Variants in IFT80 observed in about 807,000 individuals in gnomAD.
IFT80 encodes the protein intraflagellar transport protein 80 homolog.
IFT80 carries 79 observed loss-of-function variants against 107.9 expected under a neutral mutation model. That is an observed-to-expected ratio of 0.73 (90% CI 0.61 to 0.88). The LOEUF (loss-of-function observed/expected upper bound fraction) is 0.88. Among genes scored for constraint, IFT80 ranks in the 40% least tolerant of loss-of-function variants. The pLI is 0.00. For synonymous variants in IFT80, 299 were observed against 300.9 expected, an observed-to-expected ratio of 0.99 and a Z score of 0.07; for missense variants, 797 against 914.2, an observed-to-expected ratio of 0.87 and a Z score of 1.65.
chr3:160,272,207 T>C (rs925135661), intron 18 of IFT80, among the ~76,000 whole-genome samples: 1 of 152,162 alleles, frequency 6.6e-6, no homozygotes, highest in Admixed American at 6.5e-5. Flanking sequence ...TGGATCTTTA[T>C]TGGATTCTGA....
At chr3:160,353,351 CA>C (rs1191217374) in intron 8 of IFT80, among the ~76,000 whole-genome samples, 2 of 152,164 alleles carry the variant, frequency 1.3e-5, no homozygotes, top group African/African-American at 4.8e-5. Flanking sequence ...TGAGAGAGAT[CA>C]GGGGCTCAAC....
intron 1 of IFT80, among the ~76,000 whole-genome samples, chr3:160,386,787 A>C (rs1379797344): frequency 6.6e-6 from 1 of 152,214 alleles, no homozygotes; most frequent in Non-Finnish European, 1.5e-5. Context: ...ATTCTTTTAA[A>C]GCTAAGTCAG....
At chr3:160,274,852 A>G (rs1422565639) in intron 18 of IFT80, among the ~76,000 whole-genome samples, 2 of 152,218 alleles carry the variant, frequency 1.3e-5, no homozygotes, top group Non-Finnish European at 2.9e-5. Flanking sequence ...CCCAGGAGGC[A>G]GAAGTTGCAG....
At chr3:160,280,843 A>AATGTG (rs1714633886) in intron 14 of IFT80, 29 bp from the exon 15 acceptor site, 1 of 1,587,078 alleles carries the variant, frequency 6.3e-7, no homozygotes, top group Non-Finnish European at 8.6e-7. Context: ...TTAATGTGCT[A>AATGTG]TTAGCTTTAA....
intron 1 of IFT80, among the ~76,000 whole-genome samples, chr3:160,389,735 G>A (rs895818401): frequency 1.3e-5 from 2 of 151,858 alleles, no homozygotes; most frequent in East Asian, 3.9e-4. Context: ...TATCATTGTT[G>A]GACATTTGGG....
chr3:160,391,543 C>A (rs1407133768), intron 1 of IFT80: 1 of 152,142 alleles, frequency 6.6e-6, no homozygotes, highest in African/African-American at 2.4e-5. Context: ...TGGTGGCACA[C>A]ACCTGTAATC....
At chr3:160,331,186 C>T (rs1458073105) in intron 8 of IFT80, among the ~76,000 whole-genome samples, 17 of 152,112 alleles carry the variant, frequency 1.1e-4, no homozygotes, top group Admixed American at 1.1e-3. Context: ...AAAAGGGTTA[C>T]TTGAACGAAC....
At chr3:160,359,460 A>C (rs565124221) in intron 6 of IFT80, among the ~76,000 whole-genome samples, 1 of 152,070 alleles carries the variant, frequency 6.6e-6, no homozygotes, top group Non-Finnish European at 1.5e-5. Flanking sequence ...TGCATTTTCA[A>C]CTGAGCTCTG....
chr3:160,366,076 A>G lies in IFT80; in HGVS notation c.516T>C (p.Ile172=). The G allele has an allele frequency of 6.2e-7, 1 of 1,612,856 alleles. No individual in the cohort carries two copies. Among genetic ancestry groups the G allele is most frequent in the Admixed American group, 1.7e-5 (1 of 59,924 alleles). Residue 172 remains isoleucine (I), a synonymous_variant, in exon 6 of 20, where the codon ATT becomes ATC. Transcript: ENST00000326448. ...VLYTAGKQLI[I]KPLQPNAKVL... Reference sequence around the variant, plus strand: ...CTTTAGCATTTGGTTGAAGAGGTTTAATGATTAGCTGCTTGCCTGCTGTAT... The same window carrying G: ...CTTTAGCATTTGGTTGAAGAGGTTTGATGATTAGCTGCTTGCCTGCTGTAT...
In IFT80 at chr3:160,329,852, G is replaced by T. The variant is rs529436307; in HGVS notation, c.778-9913C>A. On this transcript the variant is annotated intron_variant, in intron 8 of 19. Transcript: ENST00000326448. ...TTTTTTTCTTGTTAATCTGTCTTTC[G>T]TTATAGGGTCCTCATCCATGAACCT... 1.5e-4 allele frequency among the ~76,000 whole-genome samples: 23 copies of T among 151,666 alleles called. 1 individual carries two copies. The highest frequency in any genetic ancestry group is 5.6e-4 in the African/African-American group (23 of 41,314).
chr3:160,298,197 G>T (rs937953879), intron 12 of IFT80, among the ~76,000 whole-genome samples: 1 of 152,074 alleles, frequency 6.6e-6, no homozygotes, highest in Non-Finnish European at 1.5e-5. Flanking sequence ...TCCCAAATTA[G>T]GAAGGAACCA....
At chr3:160,355,985 T>C (rs762634341) in intron 8 of IFT80, 28 bp downstream of exon 8, 1 of 1,613,054 alleles carries the variant, frequency 6.2e-7, no homozygotes, top group Non-Finnish European at 8.5e-7. Flanking sequence ...TGACAGCACA[T>C]CTGTGATTGC....
intron 11 of IFT80, among the ~76,000 whole-genome samples, chr3:160,302,769 T>C (rs1224239103): frequency 6.6e-6 from 1 of 152,160 alleles, no homozygotes; most frequent in Non-Finnish European, 1.5e-5. Context: ...ATTTATGATG[T>C]AACTAAATAA....
intron 9 of IFT80, among the ~76,000 whole-genome samples, chr3:160,312,722 AT>A (rs1449843061): frequency 6.7e-5 from 3 of 44,914 alleles, no homozygotes; most frequent in South Asian, 1.1e-3. Context: ...AATATATATA[AT>A]AAATATATAT....
chr3:160,353,317 C>T (rs550604835), intron 8 of IFT80, among the ~76,000 whole-genome samples: 2 of 152,112 alleles, frequency 1.3e-5, no homozygotes, highest in African/African-American at 2.4e-5. Context: ...ACAGTATAAC[C>T]GGAACTGCTC....
intron 10 of IFT80, among the ~76,000 whole-genome samples, chr3:160,306,465 A>G (rs1716835469): frequency 6.6e-6 from 1 of 152,182 alleles, no homozygotes; most frequent in Admixed American, 6.5e-5. Context: ...TATCTGCATT[A>G]AAGTGACTGT....
intron 8 of IFT80, among the ~76,000 whole-genome samples, chr3:160,352,285 C>G (rs558315930): frequency 6.6e-6 from 1 of 152,288 alleles, no homozygotes; most frequent in South Asian, 2.1e-4. Flanking sequence ...TGAGCCACCA[C>G]GCCCGGCCCC....
chr3:160,325,261 A>C (rs1718599385), intron 8 of IFT80, among the ~76,000 whole-genome samples: 2 of 152,292 alleles, frequency 1.3e-5, no homozygotes, highest in South Asian at 2.1e-4. Flanking sequence ...GACTTTCTTC[A>C]CAGAATTGGA....
At chr3:160,388,605 T>C (rs984413846) in intron 1 of IFT80, among the ~76,000 whole-genome samples, 1 of 148,552 alleles carries the variant, frequency 6.7e-6, no homozygotes, top group Non-Finnish European at 1.5e-5. Flanking sequence ...TTACATAAAA[T>C]ATATTTATGT....
Sources: allele counts gnomAD v4.1 joint callset (sites outside exome capture counted in the v4.1 genomes callset), GRCh38; gene constraint gnomAD v4.1.1; transcripts MANE v1.5; gene names NCBI Gene and HGNC (gene_info 2026-07-23, HGNC 2026-07-21).